The following TENM3 variants were observed in gnomAD, a reference collection of about 807,000 sequenced individuals.
TENM3 encodes teneurin-3.
TENM3 carries 63 observed loss-of-function variants against 255.1 expected under a neutral mutation model. That is an observed-to-expected ratio of 0.25 (90% confidence interval 0.20 to 0.30). TENM3 has a LOEUF of 0.30. Among genes scored for constraint, TENM3 ranks in the 10% least tolerant of loss-of-function variants. TENM3 has a pLI of 1.00. For synonymous variants in TENM3, 1,306 were observed against 1,322.3 expected, an observed-to-expected ratio of 0.99 and a Z score of 0.27; for missense variants, 2,929 against 3,461.1, an observed-to-expected ratio of 0.85 and a Z score of 3.86.
At chr4:182,453,254 C>T (rs1773613732) in intron 3 of TENM3, among the ~76,000 whole-genome samples, 1 of 152,072 alleles carries the variant, frequency 6.6e-6, no homozygotes, top group Admixed American at 6.5e-5. Flanking sequence ...TTGAAAACCA[C>T]TACCTTTTTG....
chr4:181,648,724 A>C, the TENM3 span, among the ~76,000 whole-genome samples: 1 of 152,180 alleles, frequency 6.6e-6, no homozygotes, highest in Non-Finnish European at 1.5e-5. Context: ...ATTAATTCTA[A>C]ACCTGTGTCC....
At chr4:181,739,723 C>T in the TENM3 span, among the ~76,000 whole-genome samples, 5 of 152,064 alleles carry the variant, frequency 3.3e-5, no homozygotes, top group East Asian at 1.9e-4. Context: ...CTTTGCAGAC[C>T]GTCGTACATT....
chr4:181,859,533 A>G, the TENM3 span, among the ~76,000 whole-genome samples: 1 of 152,186 alleles, frequency 6.6e-6, no homozygotes, highest in African/African-American at 2.4e-5. Context: ...AGTTAATTAC[A>G]GGCTCTCAGC....
the TENM3 span, among the ~76,000 whole-genome samples, chr4:181,602,103 C>G: frequency 1.3e-5 from 2 of 152,060 alleles, no homozygotes; most frequent in African/African-American, 2.4e-5. Context: ...AAATTTAACC[C>G]CTATAATAAC....
chr4:182,299,492 C>G (rs1220786440), intron 1 of TENM3, among the ~76,000 whole-genome samples: 1 of 152,138 alleles, frequency 6.6e-6, no homozygotes, highest in Non-Finnish European at 1.5e-5. Flanking sequence ...ACAGAAGGTG[C>G]CACAGAATGA....
At chr4:182,006,942 G>A in the TENM3 span, among the ~76,000 whole-genome samples, 2 of 152,124 alleles carry the variant, frequency 1.3e-5, no homozygotes, top group Admixed American at 6.5e-5. Context: ...TGTTCTCATT[G>A]GTTTCAAAGA....
upstream of TENM3, among the ~76,000 whole-genome samples, chr4:182,239,907 A>T (rs1458709410): frequency 1.3e-5 from 2 of 152,236 alleles, no homozygotes; most frequent in Non-Finnish European, 2.9e-5. Context: ...TTAATGCTAG[A>T]TCATTTGACA....
At chr4:182,378,165 T>A (rs17073211) in intron 3 of TENM3, among the ~76,000 whole-genome samples, 5 of 152,040 alleles carry the variant, frequency 3.3e-5, no homozygotes, top group Admixed American at 2.0e-4. Flanking sequence ...GGCAGTGAGC[T>A]CGGGTAAGTG....
chr4:182,262,815 G>C lies in TENM3; in HGVS notation c.-76+19339G>C, dbSNP rs578082556. ...TCCAAGCTCCGCCTCCCGGGTTCAC[G>C]CCATTCTCCTGCTTCAGCCTCCCGA... On this transcript the variant is annotated intron_variant, in intron 1 of 27. Coordinates refer to ENST00000511685, the MANE Select transcript of TENM3 (RefSeq NM_001080477.4). Among the ~76,000 whole-genome samples the C allele has an allele frequency of 1.6e-4, 24 of 147,636 alleles. No individual in the cohort carries two copies. The South Asian group carries it at 5.0e-3, about 31-fold the overall frequency.
chr4:181,565,830 G>GA, the TENM3 span, among the ~76,000 whole-genome samples: 4 of 152,218 alleles, frequency 2.6e-5, no homozygotes, highest in Admixed American at 2.6e-4. Flanking sequence ...TAATACAAGG[G>GA]AAAATCCTAT....
chr4:182,587,746 C>T (rs948964260), intron 3 of TENM3, among the ~76,000 whole-genome samples: 1 of 152,044 alleles, frequency 6.6e-6, no homozygotes, highest in Admixed American at 6.5e-5. Flanking sequence ...GCATCCTAGC[C>T]TTTTACATAG....
At chr4:181,576,811 C>CTTT in the TENM3 span, among the ~76,000 whole-genome samples, 20 of 123,984 alleles carry the variant, frequency 1.6e-4, no homozygotes, top group Middle Eastern at 4.1e-3. Context: ...TCTTTCTTTT[C>CTTT]TTTTTTTTTT....
At chr4:181,560,145 C>A in the TENM3 span, among the ~76,000 whole-genome samples, 6 of 152,172 alleles carry the variant, frequency 3.9e-5, no homozygotes, top group African/African-American at 1.4e-4. Context: ...AAGGTTTAGG[C>A]ACTAGCAGAC....
chr4:182,137,765 A>G, the TENM3 span, among the ~76,000 whole-genome samples: 2 of 152,184 alleles, frequency 1.3e-5, no homozygotes, highest in African/African-American at 4.8e-5. Context: ...TAATTAAAGA[A>G]ACTGTATCTT....
chr4:182,087,506 G>T, the TENM3 span, among the ~76,000 whole-genome samples: 1 of 152,096 alleles, frequency 6.6e-6, no homozygotes, highest in Admixed American at 6.6e-5. Flanking sequence ...TATTTTTCTT[G>T]TATTAAGCTT....
intron 2 of TENM3, 149 bp from the exon 3 acceptor site, chr4:182,346,502 C>T: frequency 1.3e-6 from 1 of 777,754 alleles, no homozygotes; most frequent in Non-Finnish European, 2.0e-6. Flanking sequence ...TGCCGTGTGA[C>T]GCTACTGTAA....
At chr4:181,721,469 G>A in the TENM3 span, among the ~76,000 whole-genome samples, 412 of 139,170 alleles carry the variant, frequency 3.0e-3, 4 homozygotes, top group African/African-American at 9.6e-3. Flanking sequence ...GTGTGGTGGC[G>A]GGCGCCTGTA....
At chr4:182,380,773 T>C (rs1424741428) in intron 3 of TENM3, among the ~76,000 whole-genome samples, 7 of 152,220 alleles carry the variant, frequency 4.6e-5, no homozygotes, top group Admixed American at 1.3e-4. Flanking sequence ...CACATCTTGC[T>C]TTCCCATTTC....
At chr4:182,083,483 TA>T in the TENM3 span, among the ~76,000 whole-genome samples, 1 of 152,218 alleles carries the variant, frequency 6.6e-6, no homozygotes, top group African/African-American at 2.4e-5. Context: ...CCTAATTTTT[TA>T]TTTTTTTTCA....
Sources: allele counts gnomAD v4.1 joint callset (sites outside exome capture counted in the v4.1 genomes callset), GRCh38; gene constraint gnomAD v4.1.1; transcripts MANE v1.5; gene names NCBI Gene and HGNC (gene_info 2026-07-23, HGNC 2026-07-21).